Variants in OR4K13 observed in about 807,000 individuals in gnomAD.
The protein encoded by OR4K13 is olfactory receptor family 4 subfamily K member 13.
For synonymous variants in OR4K13, 160 were observed against 134.8 expected, an observed-to-expected ratio of 1.19 and a Z score of -1.30; for missense variants, 403 against 366.0, an observed-to-expected ratio of 1.10 and a Z score of -0.82.
rs1387830542 is a variant in OR4K13 at position 20,032,314 on chromosome 14, A to G, written c.*1530T>C. The G allele has an allele frequency of 6.6e-6, 1 of 152,248 alleles. No homozygotes were observed. Among genetic ancestry groups the G allele is most frequent in the Non-Finnish European group, 1.5e-5 (1 of 68,046 alleles). The allele number at this position is 152,248 out of a possible 1,614,324, so 9.4% of individuals were successfully genotyped here. On this transcript the variant is annotated 3_prime_UTR_variant, in exon 2 of 2. Transcript: ENST00000641904. ...CAGAAAGAAAGAAAAAAAAAGTTTG[A>G]AAATGCATTTTGAGGCTGGGATCCT... is the stretch of plus-strand genomic sequence containing the variant.
Position 20,034,371 on chromosome 14 carries a change from GGGGTTT to G in OR4K13, c.382_387del (p.Lys128_Pro129del). ...GGGCTCATGATGGTCATGTAATGGAGGGGTTTGCATATGGCAACATACCTGTCTATT... is the reference window on the plus strand; with the variant it reads ...GGGCTCATGATGGTCATGTAATGGAGGCATATGGCAACATACCTGTCTATT... On this transcript the variant is annotated inframe_deletion, in exon 2 of 2. Transcript: ENST00000641904. The G allele has an allele frequency of 6.2e-7, 1 of 1,614,084 alleles. No homozygotes were observed. Among genetic ancestry groups the G allele is most frequent in the Non-Finnish European group, 8.5e-7 (1 of 1,180,024 alleles).
In OR4K13 at chr14:20,034,322, A is replaced by G. The variant is rs113651738; in HGVS notation, c.437T>C (p.Leu146Ser). Residue 146 changes from leucine (L) to serine (S), a missense_variant, in exon 2 of 2, where the codon TTA becomes TCA. By Grantham distance (145) the Leu-to-Ser change is moderately radical. Coordinates refer to ENST00000641904, the MANE Select transcript of OR4K13 (RefSeq NM_001004714.2). ...MSPRVLTGLL[L>S]SSYAVGFVHS... ...CACAAATCCAACTGCATAGGAGGAT[A>G]ACAGTAGCCCAGTGAGCACCCGTGG... 6.2e-7 allele frequency: 1 copy of G among 1,614,158 alleles called. No individual in the cohort carries two copies. Among genetic ancestry groups the G allele is most frequent in the Non-Finnish European group, 8.5e-7 (1 of 1,180,016 alleles).
chr14:20,033,683 T>C lies in OR4K13; in HGVS notation c.*161A>G, dbSNP rs45553840. 39,776 of 529,942 alleles carry C rather than the reference T, an allele frequency of 0.075. 1,877 individuals carry two copies. The highest frequency in any genetic ancestry group is 0.14 in the South Asian group (5,898 of 43,114). 32.8% of individuals were successfully genotyped at this position (529,942 alleles called of 1,614,324 possible). A position where few individuals can be genotyped will look rare whatever the true frequency, so the allele number is the denominator to read the frequency against. On this transcript the variant is annotated 3_prime_UTR_variant, in exon 2 of 2. Transcript: ENST00000641904. ...GAACTGTTAGCTGGTACACAAGTTA[T>C]AGTGGTTTTTGCCATTACTTTAATT...
At position 20,032,538 on chromosome 14, in the gene OR4K13, A is replaced by G. The variant is rs1159137010; in HGVS notation, c.*1306T>C. ...CTGGATACTAGGTATAATATATCCA[A>G]TAAAAGGCATAAAGTTCTTTTTGGA... is the stretch of plus-strand genomic sequence containing the variant. On this transcript the variant is annotated 3_prime_UTR_variant, in exon 2 of 2. Transcript: ENST00000641904. The G allele has an allele frequency of 4.6e-5, 7 of 152,224 alleles. No individual in the cohort carries two copies. The highest frequency in any genetic ancestry group is 3.9e-4 in the Admixed American group (6 of 15,278). 9.4% of individuals were successfully genotyped at this position (152,224 alleles called of 1,614,324 possible).
At position 20,034,313 on chromosome 14, in the gene OR4K13, T is replaced by A. The variant is rs192679665; in HGVS notation, c.446A>T (p.Tyr149Phe). ...RVLTGLLLSSYAVGFVHSSSQ... is the reference protein window; with the variant it reads ...RVLTGLLLSSFAVGFVHSSSQ... ...AGATGAGTGCACAAATCCAACTGCA[T>A]AGGAGGATAACAGTAGCCCAGTGAG... is the stretch of plus-strand genomic sequence containing the variant. Residue 149 changes from tyrosine (Y) to phenylalanine (F), a missense_variant, in exon 2 of 2, where the codon TAT becomes TTT. Transcript: ENST00000641904. The A allele has an allele frequency of 1.9e-5, 30 of 1,613,978 alleles. No homozygotes were observed. The Admixed American group carries it at 2.2e-4, about 12-fold the overall frequency.
rs757767863 is a variant in OR4K13, at chr14:20,033,651, G to A, written c.*193C>T. ...AATTACATCTACTATTTCCTCATAT[G>A]GAACTTGAACTGTTAGCTGGTACAC... On this transcript the variant is annotated 3_prime_UTR_variant, in exon 2 of 2. Coordinates refer to ENST00000641904, the MANE Select transcript of OR4K13 (RefSeq NM_001004714.2). 408 of 443,098 alleles carry A rather than the reference G, an allele frequency of 9.2e-4. 7 individuals carry two copies. Among genetic ancestry groups the A allele is most frequent in the Non-Finnish European group, 3.2e-4 (79 of 247,680 alleles). The allele number at this position is 443,098 out of a possible 1,614,324, so 27.4% of individuals were successfully genotyped here. A position where few individuals can be genotyped will look rare whatever the true frequency, so the allele number is the denominator to read the frequency against.
chr14:20,034,858 G>A lies in OR4K13; in HGVS notation c.-100C>T. ...ATGTTCATGTTGATGTCCACATTTG[G>A]TACTCAGTCAAGGCACTTGAACTTA... On this transcript the variant is annotated 5_prime_UTR_variant, in exon 2 of 2. Coordinates refer to ENST00000641904, the MANE Select transcript of OR4K13 (RefSeq NM_001004714.2). 9.8e-7 allele frequency: 1 copy of A among 1,025,212 alleles called. No individual in the cohort carries two copies. The highest frequency in any genetic ancestry group is 1.6e-5 in the African/African-American group (1 of 62,316). 63.5% of individuals were successfully genotyped at this position (1,025,212 alleles called of 1,614,324 possible).
chr14:20,031,351 G>A lies in OR4K13; in HGVS notation c.*2493C>T, dbSNP rs1444128742. 1 of 152,150 alleles carries A rather than the reference G, an allele frequency of 6.6e-6. No homozygotes were observed. The highest frequency in any genetic ancestry group is 1.9e-4 in the East Asian group (1 of 5,196). The allele number at this position is 152,150 out of a possible 1,614,324, so 9.4% of individuals were successfully genotyped here. A position where few individuals can be genotyped will look rare whatever the true frequency, so the allele number is the denominator to read the frequency against. ...TGTATTATATGCTTGATAGTAGCTA[G>A]CATGTTGGGAGAGGGAAAAAATAAC... On this transcript the variant is annotated 3_prime_UTR_variant, in exon 2 of 2. Coordinates refer to ENST00000641904, the MANE Select transcript of OR4K13 (RefSeq NM_001004714.2).
Position 20,033,857 on chromosome 14 carries a change from CT to C in OR4K13, c.901del (p.Arg301AspfsTer71), listed in dbSNP as rs749899868. On this transcript the variant is annotated frameshift_variant, in exon 2 of 2. Transcript: ENST00000641904. LOFTEE classifies it low-confidence loss of function (END_TRUNC). Reference sequence around the variant, plus strand: ...TATGCTTTAAATTTATATGCAGAGTCTTTTTTTAATGGCTGCTTTTACCTCT... The same window carrying C: ...TATGCTTTAAATTTATATGCAGAGTCTTTTTTAATGGCTGCTTTTACCTCT... Reference protein sequence around the residue: ...NQEVKAAIKKRLCI With the variant: ...NQEVKAAIKKXLCI 15 of 1,479,244 alleles carry C rather than the reference CT, an allele frequency of 1.0e-5. No individual in the cohort carries two copies. The highest frequency in any genetic ancestry group is 3.7e-5 in the Admixed American group (2 of 53,816). The allele number at this position is 1,479,244 out of a possible 1,614,324, so 91.6% of individuals were successfully genotyped here. A position where few individuals can be genotyped will look rare whatever the true frequency, so the allele number is the denominator to read the frequency against.
rs557535290 is a variant in OR4K13, at chr14:20,033,421, T to C, written c.*423A>G. ...AACAATAATAATGTGTTTTCTGAGGTTTAAGAGCATGCTAAAATAATAATG... is the reference window on the plus strand; with the variant it reads ...AACAATAATAATGTGTTTTCTGAGGCTTAAGAGCATGCTAAAATAATAATG... On this transcript the variant is annotated 3_prime_UTR_variant, in exon 2 of 2. Transcript: ENST00000641904. The C allele has an allele frequency of 6.4e-6, 1 of 156,600 alleles. No homozygotes were observed. The highest frequency in any genetic ancestry group is 1.9e-4 in the East Asian group (1 of 5,272). The allele number at this position is 156,600 out of a possible 1,614,324, so 9.7% of individuals were successfully genotyped here. A position where few individuals can be genotyped will look rare whatever the true frequency, so the allele number is the denominator to read the frequency against.
In OR4K13 at chr14:20,033,980, C is replaced by T; in HGVS notation, c.779G>A (p.Trp260Ter). The T allele has an allele frequency of 6.2e-7, 1 of 1,613,784 alleles. No homozygotes were observed. Among genetic ancestry groups the T allele is most frequent in the Non-Finnish European group, 8.5e-7 (1 of 1,179,890 alleles). Residue 260 changes from tryptophan to a stop codon, truncating the protein, a stop_gained, in exon 2 of 2, where the codon TGG (tryptophan) becomes TAG (stop). Transcript: ENST00000641904. LOFTEE classifies it low-confidence loss of function (END_TRUNC). ...ATCTACCGAGTATCTGCTGAAGGGC[C>T]AGACGTAGATAAAGACACACGGAGC... ...FFAPCVFIYV[W>*]PFSRYSVDKI...
chr14:20,029,946 A>G lies in OR4K13; in HGVS notation c.*3898T>C, dbSNP rs575267634. ...CTCAAAAAAACAAATAAAATAAAAT[A>G]ATAAAATGTAATATAGATTTACATT... On this transcript the variant is annotated 3_prime_UTR_variant, in exon 2 of 2. Transcript: ENST00000641904. 4.3e-4 allele frequency: 66 copies of G among 152,088 alleles called. No individual in the cohort carries two copies. Among genetic ancestry groups the G allele is most frequent in the African/African-American group, 1.5e-3 (64 of 41,514 alleles). 9.4% of individuals were successfully genotyped at this position (152,088 alleles called of 1,614,324 possible). A position where few individuals can be genotyped will look rare whatever the true frequency, so the allele number is the denominator to read the frequency against.
Position 20,034,349 on chromosome 14 carries a change from C to T in OR4K13, c.410G>A (p.Ser137Asn). ...CKPLHYMTIM[S>N]PRVLTGLLLS... ...CAGTAGCCCAGTGAGCACCCGTGGG[C>T]TCATGATGGTCATGTAATGGAGGGG... Residue 137 changes from serine to asparagine, a missense_variant, in exon 2 of 2, where the codon AGC becomes AAC. By Grantham distance (46) the Ser-to-Asn change is conservative. Coordinates refer to ENST00000641904, the MANE Select transcript of OR4K13 (RefSeq NM_001004714.2). 6.2e-7 allele frequency: 1 copy of T among 1,614,034 alleles called. No individual in the cohort carries two copies. The highest frequency in any genetic ancestry group is 8.5e-7 in the Non-Finnish European group (1 of 1,179,982).
rs967623799 is a variant in OR4K13 at position 20,034,608 on chromosome 14, A to G, written c.151T>C (p.Phe51Leu). 3.7e-6 allele frequency: 6 copies of G among 1,613,960 alleles called. No individual in the cohort carries two copies. The African/African-American group carries it at 6.7e-5, about 18-fold the overall frequency. The change falls in exon 2 of 2, where the codon TTT (phenylalanine) becomes CTT (leucine). Residue 51 changes from phenylalanine (F) to leucine (L), a missense_variant. Phe to Leu is a conservative substitution (Grantham distance 22). Coordinates refer to ENST00000641904, the MANE Select transcript of OR4K13 (RefSeq NM_001004714.2). ...ATTGGTGTGTGAAGGAGCGAATCAA[A>G]GGTCACAGTCACCAAGATGAGCAGG... is the stretch of plus-strand genomic sequence containing the variant. ...GNLLILVTVT[F>L]DSLLHTPMYF...
At position 20,034,838 on chromosome 14, in the gene OR4K13, C is replaced by G. The variant is rs530921220; in HGVS notation, c.-80G>C. 6 of 1,166,576 alleles carry G rather than the reference C, an allele frequency of 5.1e-6. No homozygotes were observed. In the East Asian group the frequency reaches 1.2e-4, roughly 23 times the overall value. 72.3% of individuals were successfully genotyped at this position (1,166,576 alleles called of 1,614,324 possible). On this transcript the variant is annotated 5_prime_UTR_variant, in exon 2 of 2. It removes an upstream start codon present in the reference 5' UTR. Coordinates refer to ENST00000641904, the MANE Select transcript of OR4K13 (RefSeq NM_001004714.2). ...ATGATGCATATTGGAAAGAAATGTT[C>G]ATGTTGATGTCCACATTTGGTACTC...
In OR4K13 at chr14:20,034,528, A is replaced by G. The variant is rs1203457555; in HGVS notation, c.231T>C (p.Ala77=). The G allele has an allele frequency of 1.9e-6, 3 of 1,614,026 alleles. No homozygotes were observed. Among genetic ancestry groups the G allele is most frequent in the Non-Finnish European group, 1.7e-6 (2 of 1,180,002 alleles). ...SCIDMILASF[A]TPKMIVDFLR... ...GGAAATCTACAATCATCTTAGGGGT[A>G]GCAAAAGAAGCCAGGATCATATCAA... is the stretch of plus-strand genomic sequence containing the variant. The change falls in exon 2 of 2, where the codon GCT becomes GCC. Residue 77 remains alanine, a synonymous_variant. Transcript: ENST00000641904.
rs1280912667 is a variant in OR4K13, at chr14:20,033,701, CT to C, written c.*142del. 1.1e-5 allele frequency: 6 copies of C among 557,212 alleles called. No homozygotes were observed. Among genetic ancestry groups the C allele is most frequent in the Non-Finnish European group, 1.6e-5 (5 of 315,744 alleles). The allele number at this position is 557,212 out of a possible 1,614,324, so 34.5% of individuals were successfully genotyped here. A position where few individuals can be genotyped will look rare whatever the true frequency, so the allele number is the denominator to read the frequency against. On this transcript the variant is annotated 3_prime_UTR_variant, in exon 2 of 2. Transcript: ENST00000641904. The stretch of plus-strand genomic sequence containing the variant: ...CAAGTTATAGTGGTTTTTGCCATTA[CT>C]TTAATTTTGTCATTTACTTTAATGG...
In OR4K13 at chr14:20,029,973, A is replaced by G. The variant is rs1877378417; in HGVS notation, c.*3871T>C. 6.6e-6 allele frequency: 1 copy of G among 152,160 alleles called. No individual in the cohort carries two copies. The highest frequency in any genetic ancestry group is 1.5e-5 in the Non-Finnish European group (1 of 68,040). 9.4% of individuals were successfully genotyped at this position (152,160 alleles called of 1,614,324 possible). ...TAAAATGTAATATAGATTTACATTAATTAAATCAGCTTGCTACTGAACTAA... is the reference window on the plus strand; with the variant it reads ...TAAAATGTAATATAGATTTACATTAGTTAAATCAGCTTGCTACTGAACTAA... On this transcript the variant is annotated 3_prime_UTR_variant, in exon 2 of 2. Transcript: ENST00000641904.
chr14:20,034,054 C>T lies in OR4K13; in HGVS notation c.705G>A (p.Lys235=), dbSNP rs963367405. 8 of 1,613,928 alleles carry T rather than the reference C, an allele frequency of 5.0e-6. No homozygotes were observed. The highest frequency in any genetic ancestry group is 6.8e-6 in the Non-Finnish European group (8 of 1,179,998). The stretch of plus-strand genomic sequence containing the variant: ...TGTGAGCTGAGAGAGTGGAGAAAGC[C>T]TTAGAGGATCGACTAGCAGCACGGT... ...VRYRAASRSS[K]AFSTLSAHIT... The change falls in exon 2 of 2, where the codon AAG becomes AAA. Residue 235 remains lysine (K), a synonymous_variant. Coordinates refer to ENST00000641904, the MANE Select transcript of OR4K13 (RefSeq NM_001004714.2).
Sources: gnomAD v4.1 joint callset for allele counts on GRCh38, gnomAD v4.1.1 for gene constraint, MANE v1.5 for transcripts, NCBI Gene and HGNC (gene_info 2026-07-23, HGNC 2026-07-21) for gene names.